The following DLGAP2 variants were observed in gnomAD, a reference collection of about 807,000 sequenced individuals.
DLGAP2 encodes the protein DLG associated protein 2.
A neutral mutation model predicts 100.3 loss-of-function variants in DLGAP2; 26 were observed. The observed-to-expected ratio is 0.26, with a 90% confidence interval of 0.19 to 0.36. The LOEUF (loss-of-function observed/expected upper bound fraction) is 0.36. DLGAP2 is among the 10% of genes least tolerant of loss of function. The probability of loss-of-function intolerance (pLI) is 1.00; values close to 1 mark genes in which losing one functional copy is unlikely to be tolerated. For missense variants in DLGAP2, 1,858 were observed against 1,453.2 expected, an observed-to-expected ratio of 1.28 and a Z score of -4.53; for synonymous variants, 886 against 630.1, an observed-to-expected ratio of 1.41 and a Z score of -6.08.
rs145612170 is a variant in DLGAP2 at position 1,640,055 on chromosome 8, G to A, written c.1810+7009G>A. Among the ~76,000 whole-genome samples, 11 of 152,320 alleles carry A rather than the reference G, an allele frequency of 7.2e-5. No homozygotes were observed. The East Asian group carries it at 1.5e-3, about 21-fold the overall frequency. ...GGCGTTATTCTGTTTACCATAGTAG[G>A]TTTTGGTAAATACTGGTAGAGTGCA... On this transcript the variant is annotated intron_variant, in intron 8 of 14. Transcript: ENST00000637795.
chr8:1,021,991 G>A (rs1054911722), intron 2 of DLGAP2, among the ~76,000 whole-genome samples: 1 of 152,208 alleles, frequency 6.6e-6, no homozygotes, highest in Non-Finnish European at 1.5e-5. Context: ...CAAGTTGCAT[G>A]TGCGAAAGCA....
At chr8:1,304,315 T>A (rs7014630) in intron 3 of DLGAP2, among the ~76,000 whole-genome samples, 1 of 152,068 alleles carries the variant, frequency 6.6e-6, no homozygotes, top group African/African-American at 2.4e-5. Flanking sequence ...CAGCTGGCCC[T>A]GATGATGAAG....
At chr8:1,071,178 T>C (rs1389225165) in intron 2 of DLGAP2, among the ~76,000 whole-genome samples, 1 of 152,200 alleles carries the variant, frequency 6.6e-6, no homozygotes, top group Non-Finnish European at 1.5e-5. Context: ...GAGAGGATGG[T>C]GAGTGGTGCT....
intron 3 of DLGAP2, among the ~76,000 whole-genome samples, chr8:1,466,768 G>A (rs1420979816): frequency 1.3e-5 from 2 of 152,182 alleles, no homozygotes; most frequent in African/African-American, 2.4e-5. Context: ...GGATAGTGGT[G>A]TGATGTGGTT....
At position 778,785 on chromosome 8, in the gene DLGAP2, T is replaced by C. The variant is rs1315609499; in HGVS notation, c.18+40960T>C. On this transcript the variant is annotated intron_variant, in intron 1 of 14. Transcript: ENST00000637795. ...CATTTAAGTCTGCAGAGGTTACTGC[T>C]GTCTTTTTGTTTGTTTGTGCCCTGC... Among the ~76,000 whole-genome samples, 10 of 152,350 alleles carry C rather than the reference T, an allele frequency of 6.6e-5. No homozygotes were observed. In the East Asian group the frequency reaches 9.7e-4, roughly 15 times the overall value.
chr8:1,332,232 C>T (rs1801173666), intron 3 of DLGAP2, among the ~76,000 whole-genome samples: 1 of 151,998 alleles, frequency 6.6e-6, no homozygotes, highest in East Asian at 1.9e-4. Flanking sequence ...GTGAGTGTGC[C>T]TGCATATGTG....
chr8:881,828 T>C (rs1010877594), intron 1 of DLGAP2, among the ~76,000 whole-genome samples: 2 of 151,982 alleles, frequency 1.3e-5, no homozygotes, highest in Non-Finnish European at 2.9e-5. Context: ...ATCTCTCTTT[T>C]TATTGGAAAC....
chr8:1,583,959 C>T (rs1584954830), intron 6 of DLGAP2, among the ~76,000 whole-genome samples: 1 of 152,038 alleles, frequency 6.6e-6, no homozygotes, highest in Non-Finnish European at 1.5e-5. Flanking sequence ...CCTTCCATGC[C>T]CAGCTCTGAT....
At chr8:1,484,593 C>G (rs555592869) in intron 3 of DLGAP2, among the ~76,000 whole-genome samples, 1 of 152,348 alleles carries the variant, frequency 6.6e-6, no homozygotes, top group African/African-American at 2.4e-5. Context: ...CACGCTGATT[C>G]AGAGTCATCA....
At chr8:1,268,910 A>G (rs1799523590) in intron 3 of DLGAP2, among the ~76,000 whole-genome samples, 2 of 152,170 alleles carry the variant, frequency 1.3e-5, no homozygotes, top group African/African-American at 2.4e-5. Flanking sequence ...TTGTGGCAGA[A>G]TGACATGGCC....
At chr8:1,257,949 C>T (rs568468257) in intron 2 of DLGAP2, among the ~76,000 whole-genome samples, 11 of 152,346 alleles carry the variant, frequency 7.2e-5, no homozygotes, top group South Asian at 6.2e-4. Flanking sequence ...CAGGCCTACC[C>T]GGCCCCCAAG....
rs1563175750 is a variant in DLGAP2, at chr8:1,483,438, GTAAGAGGCT to G, written c.107-17927_107-17919del. 4.6e-4 allele frequency among the ~76,000 whole-genome samples: 69 copies of G among 151,112 alleles called. 1 individual carries two copies. Among genetic ancestry groups the G allele is most frequent in the African/African-American group, 1.6e-3 (66 of 41,258 alleles). ...ACGGACCCAGAAGCTGAACTGCTGT[GTAAGAGGCT>G]CAGGGAGCAGGACCTGAGGGCGTCT... On this transcript the variant is annotated intron_variant, in intron 3 of 14. Transcript: ENST00000637795.
chr8:1,675,291 A>C (rs1047366210), intron 10 of DLGAP2, among the ~76,000 whole-genome samples: 1 of 152,172 alleles, frequency 6.6e-6, no homozygotes, highest in Non-Finnish European at 1.5e-5. Flanking sequence ...TCCCGGCAAG[A>C]GCCCTAGCCC....
At chr8:824,303 T>C (rs546811494) in intron 1 of DLGAP2, among the ~76,000 whole-genome samples, 37 of 152,174 alleles carry the variant, frequency 2.4e-4, no homozygotes, top group Admixed American at 5.9e-4. Context: ...CTTGCACTCC[T>C]GGGCTCAAGC....
chr8:1,503,894 C>T (rs1011131003), intron 4 of DLGAP2, among the ~76,000 whole-genome samples: 1 of 152,256 alleles, frequency 6.6e-6, no homozygotes, highest in African/African-American at 2.4e-5. Flanking sequence ...GGGTGGAGGA[C>T]TCTGGAGGGA....
At chr8:784,113 A>T (rs545547830) in intron 1 of DLGAP2, among the ~76,000 whole-genome samples, 2 of 152,352 alleles carry the variant, frequency 1.3e-5, no homozygotes, top group East Asian at 3.9e-4. Context: ...TTCACTAAAA[A>T]GTAATATTTA....
In DLGAP2 at chr8:789,215, A is replaced by G. The variant is rs1185724701; in HGVS notation, c.18+51390A>G. On this transcript the variant is annotated intron_variant, in intron 1 of 14. Coordinates refer to ENST00000637795, the MANE Select transcript of DLGAP2 (RefSeq NM_001346810.2). ...ATAAAGAAATAGGTGAAACTGGGCA[A>G]TTTATGAAGAAAGGAGGTTTAATTG... is the stretch of plus-strand genomic sequence containing the variant. Among the ~76,000 whole-genome samples, 4 of 152,298 alleles carry G rather than the reference A, an allele frequency of 2.6e-5. No individual in the cohort carries two copies. The East Asian group carries it at 7.7e-4, about 29-fold the overall frequency.
intron 2 of DLGAP2, among the ~76,000 whole-genome samples, chr8:979,344 A>G (rs932191968): frequency 1.3e-5 from 2 of 152,210 alleles, no homozygotes; most frequent in African/African-American, 4.8e-5. Flanking sequence ...GTGGATATCC[A>G]CCCCACAAGG....
At chr8:1,552,337 C>A (rs890585017) in intron 5 of DLGAP2, among the ~76,000 whole-genome samples, 6 of 152,256 alleles carry the variant, frequency 3.9e-5, no homozygotes, top group African/African-American at 1.4e-4. Context: ...CCCACATCCG[C>A]CTCCCAGTGA....
Sources: gnomAD v4.1 joint callset for allele counts (sites outside exome capture counted in the v4.1 genomes callset) on GRCh38, gnomAD v4.1.1 for gene constraint, MANE v1.5 for transcripts, NCBI Gene and HGNC (gene_info 2026-07-23, HGNC 2026-07-21) for gene names.